Variants in GUCA1C observed in about 807,000 individuals in gnomAD.
GUCA1C encodes the protein guanylate cyclase activator 1C, also known as guanylyl cyclase-activating protein 3.
In GUCA1C, 15 loss-of-function variants were observed where a neutral mutation model predicts 16.2. The ratio of observed to expected loss-of-function variants is 0.93; its 90% CI spans 0.62 to 1.43. The LOEUF (loss-of-function observed/expected upper bound fraction) is 1.43. GUCA1C is among the 40% of genes most tolerant of loss of function. The pLI is 0.00. For synonymous variants in GUCA1C, 78 were observed against 85.4 expected, an observed-to-expected ratio of 0.91 and a Z score of 0.48; for missense variants, 275 against 244.8, an observed-to-expected ratio of 1.12 and a Z score of -0.82.
At chr3:108,954,815 C>T (rs1313448736), upstream of GUCA1C, among the ~76,000 whole-genome samples, 3 of 149,640 alleles carry the variant, frequency 2.0e-5, no homozygotes, top group Non-Finnish European at 3.0e-5. Context: ...CAGCTCACTG[C>T]AAGCTCCACC....
At chr3:108,923,241 C>T (rs1946586040) in intron 1 of GUCA1C, among the ~76,000 whole-genome samples, 1 of 152,050 alleles carries the variant, frequency 6.6e-6, no homozygotes, top group Non-Finnish European at 1.5e-5. Context: ...AAGTCTTTGC[C>T]TAAGCCAAGG....
At chr3:108,951,122 G>A (rs962564915) in intron 1 of GUCA1C, among the ~76,000 whole-genome samples, 3 of 152,096 alleles carry the variant, frequency 2.0e-5, no homozygotes, top group Non-Finnish European at 2.9e-5. Flanking sequence ...GAGTGGTTAC[G>A]AGGAGTGGGG....
chr3:108,930,606 C>T (rs1169001106), intron 1 of GUCA1C, among the ~76,000 whole-genome samples: 1 of 152,134 alleles, frequency 6.6e-6, no homozygotes, highest in Non-Finnish European at 1.5e-5. Context: ...ATTTCAAAGT[C>T]ATTTTACTAC....
At chr3:108,913,520 A>G (rs1946477553) in intron 3 of GUCA1C, among the ~76,000 whole-genome samples, 1 of 151,976 alleles carries the variant, frequency 6.6e-6, no homozygotes, top group South Asian at 2.1e-4. Context: ...TGTCTTCATC[A>G]CTTTTTCTTC....
chr3:108,922,512 T>A (rs1946579553), intron 1 of GUCA1C, among the ~76,000 whole-genome samples: 2 of 152,176 alleles, frequency 1.3e-5, no homozygotes, highest in Admixed American at 6.5e-5. Context: ...TTGTTTTTTT[T>A]ATTTTTTGAT....
intron 3 of GUCA1C, among the ~76,000 whole-genome samples, chr3:108,909,516 C>A (rs762386558): frequency 6.6e-6 from 1 of 152,130 alleles, no homozygotes; most frequent in African/African-American, 2.4e-5. Flanking sequence ...ATTCCCAACC[C>A]CAAAGACTTT....
At chr3:108,952,907 AT>A (rs1050786106) in intron 1 of GUCA1C, among the ~76,000 whole-genome samples, 1 of 142,012 alleles carries the variant, frequency 7.0e-6, no homozygotes, top group Non-Finnish European at 1.6e-5. Flanking sequence ...TCTTCTTTGT[AT>A]TTTTTCAAGA....
At chr3:108,929,309 T>C (rs1946647142) in intron 1 of GUCA1C, among the ~76,000 whole-genome samples, 2 of 152,170 alleles carry the variant, frequency 1.3e-5, no homozygotes, top group Non-Finnish European at 2.9e-5. Context: ...AATCTCGTAT[T>C]AGTTCTAGGA....
chr3:108,927,432 CTTTT>C (rs55930777), intron 1 of GUCA1C, among the ~76,000 whole-genome samples: 6 of 128,262 alleles, frequency 4.7e-5, no homozygotes, highest in African/African-American at 8.9e-5. Flanking sequence ...TTTTTTAATT[CTTTT>C]TTTTTTTTTT....
intron 3 of GUCA1C, among the ~76,000 whole-genome samples, chr3:108,909,081 G>A (rs1452621996): frequency 6.6e-6 from 1 of 152,180 alleles, no homozygotes; most frequent in Admixed American, 6.5e-5. Flanking sequence ...CTGAAGTCAG[G>A]TGTTAGGCTG....
intron 1 of GUCA1C, among the ~76,000 whole-genome samples, chr3:108,946,073 G>A (rs1269191900): frequency 6.6e-6 from 1 of 152,138 alleles, no homozygotes; most frequent in Non-Finnish European, 1.5e-5. Context: ...GCACACTATT[G>A]TTCTCCCACC....
chr3:108,936,771 A>G (rs1423956092), intron 1 of GUCA1C, among the ~76,000 whole-genome samples: 3 of 152,080 alleles, frequency 2.0e-5, no homozygotes, highest in Non-Finnish European at 2.9e-5. Context: ...TGCACCTTGG[A>G]GCCTGTGTTC....
chr3:108,923,832 AGT>A (rs1289735479), intron 1 of GUCA1C, among the ~76,000 whole-genome samples: 1 of 152,068 alleles, frequency 6.6e-6, no homozygotes, highest in Non-Finnish European at 1.5e-5. Context: ...TTCTTTCAGC[AGT>A]GTTTTGTAGT....
In GUCA1C at chr3:108,915,123, G is replaced by A. The variant is rs971830275; in HGVS notation, c.442+1004C>T. On this transcript the variant is annotated intron_variant, in intron 3 of 3. Transcript: ENST00000261047. Reference sequence around the variant, plus strand: ...AGTGGCTGCATTTGAGCTTCCTCCCGGCCTCACCATCCCATCCTGCCACGC... The same window carrying A: ...AGTGGCTGCATTTGAGCTTCCTCCCAGCCTCACCATCCCATCCTGCCACGC... Among the ~76,000 whole-genome samples, 7 of 150,994 alleles carry A rather than the reference G, an allele frequency of 4.6e-5. No homozygotes were observed. In the East Asian group the frequency reaches 1.0e-3, roughly 22 times the overall value.
intron 1 of GUCA1C, among the ~76,000 whole-genome samples, chr3:108,931,189 G>GT (rs1377173837): frequency 7.7e-6 from 1 of 130,480 alleles, no homozygotes; most frequent in Non-Finnish European, 1.7e-5. Flanking sequence ...ATGATGGTCT[G>GT]TTTCACTTTA....
Position 108,920,519 on chromosome 3 carries a change from GCT to G in GUCA1C, c.269_270del (p.Glu90AlafsTer8). 6.3e-7 allele frequency: 1 copy of G among 1,592,870 alleles called. No individual in the cohort carries two copies. Among genetic ancestry groups the G allele is most frequent in the Non-Finnish European group, 8.6e-7 (1 of 1,161,136 alleles). On this transcript the variant is annotated frameshift_variant, in exon 2 of 4. Coordinates refer to ENST00000261047, the MANE Select transcript of GUCA1C (RefSeq NM_005459.4). LOFTEE classifies it high-confidence loss of function. ...AVNLIMQEKM[E>X]QKLKWYFKLY... ...AGCTTAAAATACCATTTTAATTTTT[GCT>G]CCATTTTTTCTTGCATGATTAGATT...
intron 1 of GUCA1C, among the ~76,000 whole-genome samples, chr3:108,933,495 C>T (rs112655067): frequency 6.6e-5 from 10 of 152,066 alleles, no homozygotes; most frequent in African/African-American, 2.2e-4. Context: ...TATTGTGAAT[C>T]GTTTCATAAG....
At chr3:108,941,459 A>C (rs1360346672) in intron 1 of GUCA1C, among the ~76,000 whole-genome samples, 5 of 152,186 alleles carry the variant, frequency 3.3e-5, no homozygotes, top group Admixed American at 2.6e-4. Context: ...CCCTCTGTAA[A>C]GATCTTTGGA....
At chr3:108,944,791 C>A (rs1946827094) in intron 1 of GUCA1C, among the ~76,000 whole-genome samples, 1 of 152,182 alleles carries the variant, frequency 6.6e-6, no homozygotes, top group Non-Finnish European at 1.5e-5. Flanking sequence ...TGCCATCATG[C>A]TATAATAGGT....
Sources: allele counts gnomAD v4.1 joint callset (sites outside exome capture counted in the v4.1 genomes callset), GRCh38; gene constraint gnomAD v4.1.1; transcripts MANE v1.5; gene names NCBI Gene and HGNC (gene_info 2026-07-23, HGNC 2026-07-21).